Variants in PCDHGA1 observed in about 807,000 individuals in gnomAD.
PCDHGA1 encodes the protein protocadherin gamma-A1.
A neutral mutation model predicts 58.0 loss-of-function variants in PCDHGA1; 32 were observed. That is an observed-to-expected ratio of 0.55 (90% CI 0.42 to 0.74). PCDHGA1 has a LOEUF of 0.74. Ranked by LOEUF, PCDHGA1 falls within the 30% of genes least tolerant of loss-of-function variation. The probability of loss-of-function intolerance (pLI) is 0.00; values close to 1 mark genes in which losing one functional copy is unlikely to be tolerated. For missense variants in PCDHGA1, 1,205 were observed against 1,182.3 expected (o/e 1.02, Z -0.28); for synonymous variants, 498 against 501.1 (o/e 0.99, Z 0.08).
chr5:141,371,914 T>C (rs1768185765), intron 1 of PCDHGA1: 1 of 1,613,262 alleles, frequency 6.2e-7, no homozygotes, highest in Admixed American at 1.7e-5. Context: ...TACGTGTCCG[T>C]GAGCGCGCGG....
Position 141,476,944 on chromosome 5 carries a change from C to T in PCDHGA1, c.2422-17863C>T, listed in dbSNP as rs1360022622. The T allele has an allele frequency of 3.3e-5, 53 of 1,614,072 alleles. No homozygotes were observed. The highest frequency in any genetic ancestry group is 4.1e-5 in the Non-Finnish European group (48 of 1,180,052). ...CAACGGATCTGGATGAAGGCCCCAACGGTGAAATTATTTACTCCTTCGGCA... is the reference window on the plus strand; with the variant it reads ...CAACGGATCTGGATGAAGGCCCCAATGGTGAAATTATTTACTCCTTCGGCA... On this transcript the variant is annotated intron_variant, in intron 1 of 3. Transcript: ENST00000517417. The surrounding 1 kb of genome is among the most constrained non-coding windows in gnomAD (Gnocchi z 7.6).
chr5:141,394,756 A>G (rs757241753), intron 1 of PCDHGA1: 4 of 1,613,324 alleles, frequency 2.5e-6, no homozygotes, highest in East Asian at 4.5e-5. Flanking sequence ...GCCGTCCAGG[A>G]CCATGGCCAG....
chr5:141,445,363 T>C (rs186841717), intron 1 of PCDHGA1, among the ~76,000 whole-genome samples: 9 of 152,284 alleles, frequency 5.9e-5, no homozygotes. Context: ...CCAAGTCTGG[T>C]CCTGGGTGGT....
intron 1 of PCDHGA1, among the ~76,000 whole-genome samples, chr5:141,444,408 T>G (rs1591815532): frequency 6.6e-6 from 1 of 152,124 alleles, no homozygotes; most frequent in East Asian, 1.9e-4. Context: ...CAACCTCAGG[T>G]GATCTTCCCT....
intron 1 of PCDHGA1, among the ~76,000 whole-genome samples, chr5:141,435,412 T>C (rs2097761991): frequency 6.6e-6 from 1 of 152,222 alleles, no homozygotes; most frequent in Non-Finnish European, 1.5e-5. Flanking sequence ...TGGTAAAGAC[T>C]ATTTTTCACT....
intron 1 of PCDHGA1, among the ~76,000 whole-genome samples, chr5:141,347,355 A>G (rs1475319238): frequency 1.3e-5 from 2 of 151,746 alleles, no homozygotes; most frequent in East Asian, 1.9e-4. Context: ...GGCAATTGCT[A>G]TGTTTCCCAG....
intron 1 of PCDHGA1, chr5:141,423,314 T>C: frequency 6.2e-7 from 1 of 1,614,178 alleles, no homozygotes; most frequent in Non-Finnish European, 8.5e-7. Context: ...TACTTGGTGG[T>C]GGCGGTGGCC....
chr5:141,336,256 C>T (rs571943660), intron 1 of PCDHGA1, among the ~76,000 whole-genome samples: 187 of 152,220 alleles, frequency 1.2e-3, no homozygotes, highest in African/African-American at 4.4e-3. Flanking sequence ...AATGGCACAC[C>T]TATAATCCCA....
At chr5:141,364,103 C>CT (rs1452729364) in intron 1 of PCDHGA1, 1 of 411,008 alleles carries the variant, frequency 2.4e-6, no homozygotes, top group African/African-American at 2.1e-5. Flanking sequence ...GATGCAGTCA[C>CT]TGGTTAGGAC....
rs1193465269 is a variant in PCDHGA1 at position 141,467,055 on chromosome 5, C to CT, written c.2422-27736dup. Among the ~76,000 whole-genome samples, 814 of 134,448 alleles carry CT rather than the reference C, an allele frequency of 6.1e-3. 10 individuals carry two copies. Among genetic ancestry groups the CT allele is most frequent in the African/African-American group, 0.018 (656 of 36,920 alleles). The allele number at this position is 134,448 out of a possible 152,430, so 88.2% of individuals were successfully genotyped here. A position where few individuals can be genotyped will look rare whatever the true frequency, so the allele number is the denominator to read the frequency against. Reference sequence around the variant, plus strand: ...TTTTTGTGTAATGAATCAATGTTTTCTTTTTTTTTTTTTTTTAGACCAAGT... The same window carrying CT: ...TTTTTGTGTAATGAATCAATGTTTTCTTTTTTTTTTTTTTTTTAGACCAAGT... On this transcript the variant is annotated intron_variant, in intron 1 of 3. Coordinates refer to ENST00000517417, the MANE Select transcript of PCDHGA1 (RefSeq NM_018912.3).
rs373408796 is a variant in PCDHGA1, at chr5:141,338,967, G to A, written c.2421+5862G>A. ...TGACTCGGAGAAAATTGCGACAGGA[G>A]GGAAATGGCGGCTCTGCAAAAGTTG... On this transcript the variant is annotated intron_variant, in intron 1 of 3. Transcript: ENST00000517417. 1.5e-5 allele frequency: 23 copies of A among 1,526,840 alleles called. No individual in the cohort carries two copies. In the African/African-American group the frequency reaches 3.1e-4, roughly 20 times the overall value. The allele number at this position is 1,526,840 out of a possible 1,614,324, so 94.6% of individuals were successfully genotyped here. A position where few individuals can be genotyped will look rare whatever the true frequency, so the allele number is the denominator to read the frequency against.
chr5:141,338,793 G>C, intron 1 of PCDHGA1: 1 of 1,355,120 alleles, frequency 7.4e-7, no homozygotes, highest in Non-Finnish European at 9.4e-7. Flanking sequence ...GCACAAGGGG[G>C]TGGAGGTTTG....
chr5:141,336,130 G>C (rs1241435536), intron 1 of PCDHGA1, among the ~76,000 whole-genome samples: 1 of 152,162 alleles, frequency 6.6e-6, no homozygotes. Context: ...TGCAACCATG[G>C]AAGAGTTCTG....
At chr5:141,384,798 G>A in intron 1 of PCDHGA1, 3 of 1,613,448 alleles carry the variant, frequency 1.9e-6, no homozygotes, top group Non-Finnish European at 2.5e-6. Flanking sequence ...GGGCCCTGCT[G>A]GACAGAGATG....
At chr5:141,448,999 G>GT (rs910018882) in intron 1 of PCDHGA1, among the ~76,000 whole-genome samples, 19 of 151,698 alleles carry the variant, frequency 1.3e-4, no homozygotes, top group South Asian at 2.1e-4. Flanking sequence ...ATAGAAAGCT[G>GT]TTTTTTTTAA....
At chr5:141,398,850 A>G in intron 1 of PCDHGA1, 20 of 1,613,982 alleles carry the variant, frequency 1.2e-5, no homozygotes, top group Non-Finnish European at 1.6e-5. Flanking sequence ...ATCCCCCGGT[A>G]TTCAACCGAG....
At chr5:141,450,831 T>TATA (rs761717068) in intron 1 of PCDHGA1, among the ~76,000 whole-genome samples, 3 of 144,648 alleles carry the variant, frequency 2.1e-5, no homozygotes, top group Non-Finnish European at 4.5e-5. Flanking sequence ...TTATTATTAT[T>TATA]TTTTTTTTTT....
intron 1 of PCDHGA1, among the ~76,000 whole-genome samples, chr5:141,474,089 CAAACAACAACAA>C (rs985204397): frequency 3.3e-5 from 5 of 152,116 alleles, no homozygotes; most frequent in Admixed American, 2.0e-4. Flanking sequence ...AACCAAAAAA[CAAACAACAACAA>C]AAACAACAAC....
chr5:141,427,743 T>A, intron 1 of PCDHGA1: 5 of 1,249,166 alleles, frequency 4.0e-6, no homozygotes, highest in Non-Finnish European at 5.8e-6. Context: ...CCAAGTCTCC[T>A]ACTCCATCGT....
Sources: allele counts gnomAD v4.1 joint callset (sites outside exome capture counted in the v4.1 genomes callset), GRCh38; gene constraint gnomAD v4.1.1; non-coding constraint Gnocchi (gnomAD v3.1); transcripts MANE v1.5; gene names NCBI Gene and HGNC (gene_info 2026-07-23, HGNC 2026-07-21).